The following NRXN1 variants were observed in gnomAD, a reference collection of about 807,000 sequenced individuals.
The protein encoded by NRXN1 is neurexin 1, also known as neurexin-1.
NRXN1 carries 39 observed loss-of-function variants against 150.9 expected under a neutral mutation model. That is an observed-to-expected ratio of 0.26 (90% CI 0.20 to 0.34). NRXN1 has a LOEUF of 0.34. Among genes scored for constraint, NRXN1 ranks in the 10% least tolerant of loss-of-function variants. The pLI is 1.00. For synonymous variants in NRXN1, 924 were observed against 757.0 expected, an observed-to-expected ratio of 1.22 and a Z score of -3.62; for missense variants, 1,815 against 1,949.9, an observed-to-expected ratio of 0.93 and a Z score of 1.30.
chr2:50,425,952 T>C (rs904639652), intron 17 of NRXN1, among the ~76,000 whole-genome samples: 1 of 152,208 alleles, frequency 6.6e-6, no homozygotes, highest in African/African-American at 2.4e-5. Context: ...TGCCAAATTG[T>C]GGACATCCTT....
intron 18 of NRXN1, among the ~76,000 whole-genome samples, chr2:50,160,890 C>A (rs1047208115): frequency 6.6e-6 from 1 of 151,832 alleles, no homozygotes; most frequent in African/African-American, 2.4e-5. Context: ...TTATACATAT[C>A]TTTTTTTTAG....
At chr2:50,315,491 CACAAA>C (rs952922184) in intron 17 of NRXN1, among the ~76,000 whole-genome samples, 9 of 152,086 alleles carry the variant, frequency 5.9e-5, no homozygotes, top group Admixed American at 5.2e-4. Context: ...TGGAAGATTA[CACAAA>C]ACAAATGTGC....
intron 21 of NRXN1, among the ~76,000 whole-genome samples, chr2:49,960,309 A>G (rs1468245229): frequency 6.6e-6 from 1 of 152,202 alleles, no homozygotes; most frequent in Non-Finnish European, 1.5e-5. Context: ...AGCAACCAGA[A>G]ACCACAAAAT....
Position 50,346,626 on chromosome 2 carries a change from C to A in NRXN1, c.3365-109656G>T. On this transcript the variant is annotated intron_variant, in intron 17 of 22. Transcript: ENST00000401669. This position sits in a 1 kb window ranked among gnomAD's most constrained non-coding sequence, Gnocchi z 5.0. ...TCTCTGAGCCTTAGGAGCCCAGGAG[C>A]GAGTGCAGGGTAGAAAGAGGGGAGC... is the stretch of plus-strand genomic sequence containing the variant. 3.2e-6 allele frequency: 5 copies of A among 1,545,226 alleles called. No homozygotes were observed. In the South Asian group the frequency reaches 4.5e-5, roughly 14 times the overall value.
chr2:50,647,211 C>T (rs549143257), intron 5 of NRXN1, among the ~76,000 whole-genome samples: 1 of 151,806 alleles, frequency 6.6e-6, no homozygotes, highest in East Asian at 1.9e-4. Flanking sequence ...CGGAAACTTA[C>T]AGATAGTAGG....
rs1415829571 is a variant in NRXN1 at position 50,153,319 on chromosome 2, T to C, written c.3547-61825A>G. On this transcript the variant is annotated intron_variant, in intron 18 of 22. Coordinates refer to ENST00000401669, the MANE Select transcript of NRXN1 (RefSeq NM_001330078.2). ...GTCTTTGTCTAGTAAGTTTGCCATCTGGTTTTTCTCTGGCACAGTTTCTAT... is the reference window on the plus strand; with the variant it reads ...GTCTTTGTCTAGTAAGTTTGCCATCCGGTTTTTCTCTGGCACAGTTTCTAT... 2.0e-5 allele frequency among the ~76,000 whole-genome samples: 3 copies of C among 151,800 alleles called. No individual in the cohort carries two copies. The South Asian group carries it at 6.2e-4, about 31-fold the overall frequency.
At chr2:50,682,007 T>C (rs1690482435) in intron 5 of NRXN1, among the ~76,000 whole-genome samples, 1 of 152,064 alleles carries the variant, frequency 6.6e-6, no homozygotes, top group South Asian at 2.1e-4. Flanking sequence ...GAGGCTCAAA[T>C]GAGATGGTAC....
intron 18 of NRXN1, among the ~76,000 whole-genome samples, chr2:50,179,044 T>G (rs531019957): frequency 6.6e-6 from 1 of 152,258 alleles, no homozygotes; most frequent in South Asian, 2.1e-4. Context: ...TTTTTAGGTG[T>G]CTTAGTTCAA....
intron 5 of NRXN1, among the ~76,000 whole-genome samples, chr2:50,790,624 G>A (rs1173433586): frequency 2.6e-5 from 4 of 152,064 alleles, no homozygotes; most frequent in African/African-American, 9.7e-5. Context: ...CTTGTCCTTT[G>A]GAAGCAAAAC....
chr2:50,082,826 A>G (rs1698158912), intron 19 of NRXN1, among the ~76,000 whole-genome samples: 1 of 142,894 alleles, frequency 7.0e-6, no homozygotes, highest in Non-Finnish European at 1.5e-5. Context: ...AAGTACTAGG[A>G]GAAATCGGGA....
At chr2:50,589,414 C>T (rs1411187866) in intron 8 of NRXN1, 1 of 152,242 alleles carries the variant, frequency 6.6e-6, no homozygotes, top group Middle Eastern at 3.1e-3. Context: ...CCAGCCCGTT[C>T]CAGGTGGACA....
intron 21 of NRXN1, among the ~76,000 whole-genome samples, chr2:49,945,387 TTC>T (rs925173405): frequency 6.6e-5 from 10 of 151,316 alleles, no homozygotes; most frequent in African/African-American, 1.5e-4. Context: ...TGTGGGGGTT[TTC>T]TCTTTTTTTT....
At chr2:50,439,352 T>G (rs2085721217) in intron 17 of NRXN1, among the ~76,000 whole-genome samples, 1 of 152,234 alleles carries the variant, frequency 6.6e-6, no homozygotes, top group African/African-American at 2.4e-5. Context: ...TAGTCATTGC[T>G]TTAAGAAAAC....
chr2:50,479,633 TA>T (rs869182078), intron 15 of NRXN1, among the ~76,000 whole-genome samples: 6 of 142,078 alleles, frequency 4.2e-5, no homozygotes, highest in Non-Finnish European at 9.4e-5. Flanking sequence ...ATTCAATAAA[TA>T]ATCATTGAAA....
chr2:50,767,208 T>C (rs141141326), intron 5 of NRXN1, among the ~76,000 whole-genome samples: 139 of 152,154 alleles, frequency 9.1e-4, no homozygotes, highest in African/African-American at 3.2e-3. Context: ...TTAAATACCA[T>C]AGTTGAAAAT....
chr2:50,444,684 T>A (rs1225815086), intron 17 of NRXN1, among the ~76,000 whole-genome samples: 1 of 152,040 alleles, frequency 6.6e-6, no homozygotes, highest in Admixed American at 6.6e-5. Flanking sequence ...ACCTTAAAAA[T>A]CAAAATTAAT....
chr2:49,971,720 C>G (rs1677994738), intron 21 of NRXN1, among the ~76,000 whole-genome samples: 1 of 152,012 alleles, frequency 6.6e-6, no homozygotes, highest in African/African-American at 2.4e-5. Flanking sequence ...GAATTTTTTT[C>G]CATTAATTTC....
intron 5 of NRXN1, among the ~76,000 whole-genome samples, chr2:50,644,789 T>C (rs938903640): frequency 4.8e-5 from 7 of 145,836 alleles, no homozygotes; most frequent in African/African-American, 1.8e-4. Flanking sequence ...CATATGTATA[T>C]AAAAGAAATA....
At chr2:50,359,757 C>T (rs1052809347) in intron 17 of NRXN1, among the ~76,000 whole-genome samples, 4 of 151,996 alleles carry the variant, frequency 2.6e-5, no homozygotes, top group Non-Finnish European at 4.4e-5. Flanking sequence ...ATACAGAGAA[C>T]ACCACAAAGA....
Sources: gnomAD v4.1 joint callset for allele counts (sites outside exome capture counted in the v4.1 genomes callset) on GRCh38, gnomAD v4.1.1 for gene constraint, Gnocchi (gnomAD v3.1) non-coding constraint, MANE v1.5 for transcripts, NCBI Gene and HGNC (gene_info 2026-07-23, HGNC 2026-07-21) for gene names.